The following DLG2 variants were observed in gnomAD, a reference collection of about 807,000 sequenced individuals.
The protein encoded by DLG2 is disks large homolog 2.
DLG2 carries 45 observed loss-of-function variants against 132.5 expected under a neutral mutation model. That is an observed-to-expected ratio of 0.34 (90% CI 0.27 to 0.44). The LOEUF is 0.44. Ranked by LOEUF, DLG2 falls within the 20% of genes least tolerant of loss-of-function variation. DLG2 has a pLI of 1.00. For synonymous variants in DLG2, 424 were observed against 419.6 expected (o/e 1.01, Z -0.13); for missense variants, 1,045 against 1,196.9 (o/e 0.87, Z 1.87).
chr11:84,559,653 C>G (rs2099419385), intron 6 of DLG2, among the ~76,000 whole-genome samples: 2 of 152,074 alleles, frequency 1.3e-5, no homozygotes, highest in Admixed American at 1.3e-4. Flanking sequence ...CTTCAACATG[C>G]AAATATGTGC....
At chr11:85,074,928 T>G (rs1331318699) in intron 6 of DLG2, among the ~76,000 whole-genome samples, 1 of 151,892 alleles carries the variant, frequency 6.6e-6, no homozygotes, top group Non-Finnish European at 1.5e-5. Flanking sequence ...TGAAGTTACA[T>G]TAAGCCTAAT....
At position 85,250,311 on chromosome 11, in the gene DLG2, ACTGT is replaced by A. The variant is rs775873998; in HGVS notation, c.186+34905_186+34908del. On this transcript the variant is annotated intron_variant, in intron 4 of 27. Transcript: ENST00000376104. The stretch of plus-strand genomic sequence containing the variant: ...TTATTTACCCCTTTGTCAAACATTT[ACTGT>A]CTATTTGCTATGTCACCCACTGCTC... 2.0e-5 allele frequency among the ~76,000 whole-genome samples: 3 copies of A among 152,196 alleles called. 1 individual carries two copies. The South Asian group carries it at 6.2e-4, about 31-fold the overall frequency.
chr11:85,489,510 A>G (rs1565573049), intron 3 of DLG2, among the ~76,000 whole-genome samples: 1 of 152,156 alleles, frequency 6.6e-6, no homozygotes, highest in African/African-American at 2.4e-5. Context: ...ATCGAGACCG[A>G]AAATCAACAA....
In DLG2 at chr11:84,451,100, CA is replaced by C. The variant is rs200185140; in HGVS notation, c.519+83469del. 9.6e-3 allele frequency among the ~76,000 whole-genome samples: 1,461 copies of C among 151,874 alleles called. 12 individuals carry two copies. Among genetic ancestry groups the C allele is most frequent in the Non-Finnish European group, 0.012 (813 of 67,804 alleles). ...TATAGGCTGAGAAAAAAAAGTCAAG[CA>C]GCTAAAGAGTTGAGCCCAGGGGACT... On this transcript the variant is annotated intron_variant, in intron 7 of 27. Transcript: ENST00000376104.
chr11:84,118,540 C>T (rs1019630551), intron 9 of DLG2, among the ~76,000 whole-genome samples: 1 of 152,148 alleles, frequency 6.6e-6, no homozygotes, highest in African/African-American at 2.4e-5. Flanking sequence ...CAATATAAAA[C>T]TTTTCAATTC....
intron 6 of DLG2, among the ~76,000 whole-genome samples, chr11:84,707,452 C>T (rs1596175288): frequency 6.6e-6 from 1 of 151,856 alleles, no homozygotes; most frequent in Admixed American, 6.6e-5. Context: ...ACTGATTTAA[C>T]TGGAAGTATC....
intron 21 of DLG2, among the ~76,000 whole-genome samples, chr11:83,497,621 CT>C (rs1214397388): frequency 6.6e-6 from 1 of 151,914 alleles, no homozygotes; most frequent in African/African-American, 2.4e-5. Flanking sequence ...TCAGATTTGT[CT>C]TTTTTTCATG....
At chr11:83,711,152 C>T (rs2085329215) in intron 18 of DLG2, among the ~76,000 whole-genome samples, 1 of 152,188 alleles carries the variant, frequency 6.6e-6, no homozygotes, top group Non-Finnish European at 1.5e-5. Flanking sequence ...ATCAGATACA[C>T]ATTCCTTCTT....
At chr11:85,076,020 T>C (rs2066496562) in intron 6 of DLG2, among the ~76,000 whole-genome samples, 1 of 152,076 alleles carries the variant, frequency 6.6e-6, no homozygotes, top group East Asian at 1.9e-4. Context: ...CCTACTTTGA[T>C]GATCTCAAGT....
intron 6 of DLG2, among the ~76,000 whole-genome samples, chr11:84,777,281 G>GTGTATATATATATA (rs1218190517): frequency 2.1e-5 from 2 of 95,006 alleles, no homozygotes; most frequent in African/African-American, 4.1e-5. Flanking sequence ...ATGTGTGTGT[G>GTGTATATATATATA]TATATATATA....
chr11:85,186,049 G>A (rs1013879730), intron 4 of DLG2, among the ~76,000 whole-genome samples: 2 of 151,840 alleles, frequency 1.3e-5, no homozygotes, highest in African/African-American at 4.8e-5. Flanking sequence ...TCTTTAGTTT[G>A]TTTTGACATT....
At chr11:84,796,259 A>C (rs2153949425) in intron 6 of DLG2, among the ~76,000 whole-genome samples, 1 of 152,356 alleles carries the variant, frequency 6.6e-6, no homozygotes, top group African/African-American at 2.4e-5. Flanking sequence ...TTAAAAATAA[A>C]TTTAAAAACT....
intron 6 of DLG2, among the ~76,000 whole-genome samples, chr11:84,857,042 T>C (rs918654163): frequency 6.6e-6 from 1 of 150,748 alleles, no homozygotes; most frequent in Non-Finnish European, 1.5e-5. Flanking sequence ...AAGAAGAAGT[T>C]TGGCATCTTT....
At chr11:84,695,122 T>C (rs1043338287) in intron 6 of DLG2, among the ~76,000 whole-genome samples, 1 of 151,530 alleles carries the variant, frequency 6.6e-6, no homozygotes, top group Admixed American at 6.6e-5. Flanking sequence ...ACAATAGCCA[T>C]CTGTGCAAAG....
chr11:83,821,912 C>G (rs1565206031), intron 17 of DLG2, among the ~76,000 whole-genome samples: 2 of 152,138 alleles, frequency 1.3e-5, no homozygotes, highest in Non-Finnish European at 2.9e-5. Context: ...TTGCATTCCT[C>G]TCTAGAGCAA....
At chr11:84,298,816 T>C (rs1416136838) in intron 7 of DLG2, among the ~76,000 whole-genome samples, 1 of 152,162 alleles carries the variant, frequency 6.6e-6, no homozygotes, top group Non-Finnish European at 1.5e-5. Flanking sequence ...GGCTGGAGAC[T>C]GCATGGTGGC....
chr11:85,149,530 A>C (rs574829724), intron 5 of DLG2, among the ~76,000 whole-genome samples: 1 of 152,294 alleles, frequency 6.6e-6, no homozygotes, highest in South Asian at 2.1e-4. Flanking sequence ...TTTGAAAATC[A>C]CTGAACTCAT....
chr11:85,010,258 C>A (rs1480169753), intron 6 of DLG2, among the ~76,000 whole-genome samples: 1 of 152,068 alleles, frequency 6.6e-6, no homozygotes, highest in Non-Finnish European at 1.5e-5. Flanking sequence ...AAGATAATGT[C>A]TTTCCCTCTT....
intron 6 of DLG2, among the ~76,000 whole-genome samples, chr11:84,544,168 T>C (rs1466410548): frequency 6.6e-6 from 1 of 152,174 alleles, no homozygotes; most frequent in East Asian, 1.9e-4. Context: ...TCCCCTAAAA[T>C]GAGCTAGGCT....
Sources: allele counts gnomAD v4.1 joint callset (sites outside exome capture counted in the v4.1 genomes callset), GRCh38; gene constraint gnomAD v4.1.1; transcripts MANE v1.5; gene names NCBI Gene and HGNC (gene_info 2026-07-23, HGNC 2026-07-21).